CACNA1E: variants seen among roughly 807,000 people sequenced by gnomAD.
CACNA1E encodes the protein voltage-dependent R-type calcium channel subunit alpha-1E.
A neutral mutation model predicts 259.2 loss-of-function variants in CACNA1E; 40 were observed. That is an observed-to-expected ratio of 0.15 (90% CI 0.12 to 0.20). The LOEUF is 0.20. CACNA1E is among the 10% of genes least tolerant of loss of function. CACNA1E has a pLI of 1.00. For missense variants in CACNA1E, 1,874 were observed against 3,040.1 expected, an observed-to-expected ratio of 0.62 and a Z score of 9.02; for synonymous variants, 1,104 against 1,138.5, an observed-to-expected ratio of 0.97 and a Z score of 0.61.
chr1:181,551,240 T>G (rs1159002681), intron 3 of CACNA1E, among the ~76,000 whole-genome samples: 2 of 152,206 alleles, frequency 1.3e-5, no homozygotes, highest in Non-Finnish European at 2.9e-5. Context: ...TCCTCCCACC[T>G]GCATCCCCTT....
Position 181,757,138 on chromosome 1 carries a change from T to G in CACNA1E, c.4329+12T>G. On this transcript the variant is annotated intron_variant, in intron 30 of 47. Coordinates refer to ENST00000367573, the MANE Select transcript of CACNA1E (RefSeq NM_001205293.3). ...TGGAGAAGAATGAGGTAATGACAAT[T>G]GGTCTAAAGTGGGGAGCAGCAGAGG... is the stretch of plus-strand genomic sequence containing the variant. 6.3e-7 allele frequency: 1 copy of G among 1,594,704 alleles called. No individual in the cohort carries two copies. The highest frequency in any genetic ancestry group is 8.6e-7 in the Non-Finnish European group (1 of 1,162,856).
At position 181,733,649 on chromosome 1, in the gene CACNA1E, C is replaced by T. The variant is rs1655739221; in HGVS notation, c.3161C>T (p.Ser1054Phe). ...RVISQSEPDL[S>F]CITANTDKAT... ...ATCAGCCAGAGCGAGCCTGACCTCT[C>T]CTGCATCACGGCCAACACGGACAAG... Residue 1054 changes from serine to phenylalanine, a missense_variant, in exon 21 of 48, where the codon TCC becomes TTC. This residue lies in a region of CACNA1E where 476 missense variants were observed against 514.0 expected (regional missense o/e 0.93). Coordinates refer to ENST00000367573, the MANE Select transcript of CACNA1E (RefSeq NM_001205293.3). The T allele has an allele frequency of 1.2e-6, 2 of 1,612,740 alleles. No homozygotes were observed. Among genetic ancestry groups the T allele is most frequent in the East Asian group, 2.2e-5 (1 of 44,774 alleles).
chr1:181,565,373 CTT>C (rs1218561739), intron 3 of CACNA1E, among the ~76,000 whole-genome samples: 1 of 152,224 alleles, frequency 6.6e-6, no homozygotes, highest in Non-Finnish European at 1.5e-5. Context: ...ATTATTTCCT[CTT>C]TTCATTCCCT....
intron 7 of CACNA1E, among the ~76,000 whole-genome samples, chr1:181,677,693 A>G (rs1384388505): frequency 6.6e-6 from 1 of 152,188 alleles, no homozygotes; most frequent in Non-Finnish European, 1.5e-5. Flanking sequence ...TGAAATAGGC[A>G]TTCTGGGCTG....
At chr1:181,461,490 G>A (rs1167294794) in intron 2 of CACNA1E, among the ~76,000 whole-genome samples, 3 of 145,746 alleles carry the variant, frequency 2.1e-5, no homozygotes, top group East Asian at 2.0e-4. Context: ...GCAGTGAGCC[G>A]AGATTGCACC....
chr1:181,339,335 C>A (rs1287442930), intron 1 of CACNA1E, among the ~76,000 whole-genome samples: 1 of 151,740 alleles, frequency 6.6e-6, no homozygotes, highest in African/African-American at 2.4e-5. Context: ...TTTTCAATTT[C>A]TTTAATCAAT....
intron 1 of CACNA1E, among the ~76,000 whole-genome samples, chr1:181,490,205 A>G (rs918907554): frequency 1.3e-5 from 2 of 152,132 alleles, no homozygotes; most frequent in African/African-American, 4.8e-5. Context: ...TAAGGTGAAG[A>G]TGGGCCAGAT....
chr1:181,600,669 G>T (rs56362001), intron 6 of CACNA1E, among the ~76,000 whole-genome samples: 8,657 of 152,158 alleles, frequency 0.057, 372 homozygotes, highest in South Asian at 0.18. Context: ...GAGAGAAGGG[G>T]CAGGATGGTT....
At chr1:181,433,786 G>A (rs891540890) in intron 2 of CACNA1E, among the ~76,000 whole-genome samples, 4 of 151,992 alleles carry the variant, frequency 2.6e-5, no homozygotes, top group South Asian at 2.1e-4. Flanking sequence ...ATTAAGTATC[G>A]TTTGAAAACA....
At chr1:181,685,103 T>C (rs148664326) in intron 7 of CACNA1E, among the ~76,000 whole-genome samples, 119 of 151,914 alleles carry the variant, frequency 7.8e-4, no homozygotes, top group African/African-American at 2.7e-3. Context: ...GTCTGCTGCA[T>C]AGTATATACT....
intron 6 of CACNA1E, among the ~76,000 whole-genome samples, chr1:181,588,372 G>T (rs1652295766): frequency 1.3e-5 from 2 of 152,186 alleles, no homozygotes; most frequent in South Asian, 2.1e-4. Flanking sequence ...ACCCTACAGT[G>T]CCTTCTTCTT....
intron 1 of CACNA1E, among the ~76,000 whole-genome samples, chr1:181,347,004 A>C (rs757503513): frequency 1.8e-4 from 28 of 152,328 alleles, no homozygotes; most frequent in Admixed American, 1.8e-3. Context: ...TCAGTCACTG[A>C]CTGACAGTCT....
chr1:181,641,721 T>TTG (rs1657790326), intron 6 of CACNA1E, among the ~76,000 whole-genome samples: 1 of 143,156 alleles, frequency 7.0e-6, no homozygotes, highest in East Asian at 2.0e-4. Flanking sequence ...TTTTTTTTTT[T>TTG]TTTTTTTTTT....
intron 1 of CACNA1E, among the ~76,000 whole-genome samples, chr1:181,490,159 C>T (rs1266869336): frequency 6.6e-6 from 1 of 152,128 alleles, no homozygotes; most frequent in Non-Finnish European, 1.5e-5. Flanking sequence ...GTCCTCATCT[C>T]TGGAAAGCAG....
intron 6 of CACNA1E, among the ~76,000 whole-genome samples, chr1:181,648,201 T>C (rs939525091): frequency 2.0e-5 from 3 of 152,232 alleles, no homozygotes; most frequent in Non-Finnish European, 4.4e-5. Context: ...ATCTTCATAT[T>C]AGAATTGTGG....
At chr1:181,686,821 C>T (rs1650631732) in intron 7 of CACNA1E, among the ~76,000 whole-genome samples, 1 of 152,166 alleles carries the variant, frequency 6.6e-6, no homozygotes, top group Non-Finnish European at 1.5e-5. Flanking sequence ...AAGAGTTTCC[C>T]TGCATGGAGG....
chr1:181,732,958 A>G lies in CACNA1E; in HGVS notation c.2872A>G (p.Lys958Glu). 6.2e-7 allele frequency: 1 copy of G among 1,613,988 alleles called. No homozygotes were observed. Among genetic ancestry groups the G allele is most frequent in the Admixed American group, 1.7e-5 (1 of 60,028 alleles). Residue 958 changes from lysine (K) to glutamate (E), a missense_variant, in exon 20 of 48, where the codon AAG becomes GAG. This residue lies in a region of CACNA1E where 476 missense variants were observed against 514.0 expected (regional missense o/e 0.93). Coordinates refer to ENST00000367573, the MANE Select transcript of CACNA1E (RefSeq NM_001205293.3). This position sits in a 1 kb window ranked among gnomAD's most constrained non-coding sequence, Gnocchi z 5.5. ...LDEAMPTEGE[K>E]DHELRGNHGA... ...TGAAGCCATGCCCACTGAAGGGGAG[A>G]AGGACCATGAGCTCAGGGGCAACCA...
At chr1:181,796,483 T>G (rs1054011305) in intron 46 of CACNA1E, among the ~76,000 whole-genome samples, 185 bp from the exon 47 acceptor site, 3 of 152,128 alleles carry the variant, frequency 2.0e-5, no homozygotes, top group Non-Finnish European at 2.9e-5. Flanking sequence ...ATGCCCTGCC[T>G]CCTAATACCA....
At chr1:181,578,974 C>A in intron 4 of CACNA1E, 98 bp from the exon 5 acceptor site, 2 of 1,025,760 alleles carry the variant, frequency 1.9e-6, no homozygotes, top group Non-Finnish European at 2.8e-6. Flanking sequence ...AGGCAGACGG[C>A]AGCATGGATG....
Sources: gnomAD v4.1 joint callset for allele counts (sites outside exome capture counted in the v4.1 genomes callset) on GRCh38, gnomAD v4.1.1 for gene constraint, gnomAD v4.1.1 regional missense constraint, Gnocchi (gnomAD v3.1) non-coding constraint, MANE v1.5 for transcripts, NCBI Gene and HGNC (gene_info 2026-07-23, HGNC 2026-07-21) for gene names.